The following EML4 variants were observed in gnomAD, a reference collection of about 807,000 sequenced individuals.
The protein encoded by EML4 is echinoderm microtubule-associated protein-like 4.
In EML4, 72 loss-of-function variants were observed where a neutral mutation model predicts 129.0. The ratio of observed to expected loss-of-function variants is 0.56; its 90% CI spans 0.46 to 0.68. The LOEUF is 0.68. Among genes scored for constraint, EML4 ranks in the 30% least tolerant of loss-of-function variants. The pLI, the probability that EML4 is intolerant of heterozygous loss-of-function variation, is 0.00. For missense variants in EML4, 1,363 were observed against 1,190.6 expected (o/e 1.14, Z -2.13); for synonymous variants, 532 against 405.0 (o/e 1.31, Z -3.77).
At chr2:42,263,396 ATCTTT>A in intron 5 of EML4, 90 bp downstream of exon 5, 21 of 449,328 alleles carry the variant, frequency 4.7e-5, no homozygotes, top group East Asian at 8.4e-5. Flanking sequence ...TCTGGTTTGA[ATCTTT>A]TTTTTTTTTT....
chr2:42,329,930 A>G lies in EML4; in HGVS notation c.2669A>G (p.Glu890Gly), dbSNP rs369646735. Residue 890 changes from glutamate to glycine, a missense_variant, in exon 23 of 23, where the codon GAA becomes GGA. Transcript: ENST00000318522. ...TLTKAPVSST[E>G]SVIQSNTPTP... ...ACCAAAGCCCCCGTCTCTTCCACTG[A>G]AAGTGTCATCCAATCTAATACTCCC... is the stretch of plus-strand genomic sequence containing the variant. 1.2e-6 allele frequency: 2 copies of G among 1,613,914 alleles called. No homozygotes were observed. Among genetic ancestry groups the G allele is most frequent in the Non-Finnish European group, 1.7e-6 (2 of 1,180,010 alleles).
intron 17 of EML4, among the ~76,000 whole-genome samples, chr2:42,306,798 C>T (rs983074449): frequency 1.3e-5 from 2 of 151,770 alleles, no homozygotes; most frequent in Admixed American, 1.3e-4. Flanking sequence ...CGCACCTGGC[C>T]GCTAAATTCT....
intron 1 of EML4, among the ~76,000 whole-genome samples, chr2:42,201,478 A>G (rs1454822681): frequency 6.6e-6 from 1 of 152,236 alleles, no homozygotes; most frequent in African/African-American, 2.4e-5. Flanking sequence ...GCTTTCTGTG[A>G]TGAAGCAGTC....
At chr2:42,264,077 T>A (rs992395054) in intron 5 of EML4, among the ~76,000 whole-genome samples, 1 of 150,520 alleles carries the variant, frequency 6.6e-6, no homozygotes, top group African/African-American at 2.4e-5. Flanking sequence ...ATCTACCTTT[T>A]AAGGCTCCCA....
At chr2:42,264,663 A>G in intron 5 of EML4, 43 bp from the exon 6 acceptor site, 1 of 1,156,664 alleles carries the variant, frequency 8.6e-7, no homozygotes, top group Non-Finnish European at 1.3e-6. Context: ...GGTTAGCCAT[A>G]TAAACTTATA....
chr2:42,223,286 G>C (rs570097249), intron 1 of EML4, among the ~76,000 whole-genome samples: 1 of 152,180 alleles, frequency 6.6e-6, no homozygotes, highest in East Asian at 1.9e-4. Flanking sequence ...TTACTGTTCA[G>C]AACTGAGATT....
chr2:42,194,185 G>A (rs72796515), intron 1 of EML4, among the ~76,000 whole-genome samples: 1,805 of 151,320 alleles, frequency 0.012, 15 homozygotes, highest in Non-Finnish European at 0.02. Flanking sequence ...TTTGAAATGG[G>A]ATATCCTGTG....
At chr2:42,300,669 G>A (rs1668233051) in intron 13 of EML4, among the ~76,000 whole-genome samples, 1 of 152,146 alleles carries the variant, frequency 6.6e-6, no homozygotes, top group Non-Finnish European at 1.5e-5. Context: ...AGTAATCCTT[G>A]GCACAGCAGA....
chr2:42,324,834 G>A (rs1669702177), intron 19 of EML4, among the ~76,000 whole-genome samples: 1 of 152,206 alleles, frequency 6.6e-6, no homozygotes, highest in Non-Finnish European at 1.5e-5. Flanking sequence ...AATTCCCACA[G>A]TGTGAAAACC....
chr2:42,281,929 C>G (rs1370152569), intron 7 of EML4, among the ~76,000 whole-genome samples: 1 of 152,180 alleles, frequency 6.6e-6, no homozygotes, highest in African/African-American at 2.4e-5. Flanking sequence ...CAGATATCAG[C>G]TTGGACACAC....
chr2:42,198,876 G>A (rs1672050376), intron 1 of EML4, among the ~76,000 whole-genome samples: 1 of 152,230 alleles, frequency 6.6e-6, no homozygotes, highest in African/African-American at 2.4e-5. Context: ...AGCAGCCATT[G>A]TGTAGAAACA....
chr2:42,211,594 T>C (rs754035359), intron 1 of EML4, among the ~76,000 whole-genome samples: 5 of 152,234 alleles, frequency 3.3e-5, no homozygotes, highest in African/African-American at 4.8e-5. Context: ...AGGACTTGGA[T>C]GTTTTAAACC....
At chr2:42,173,116 G>C (rs1326173160) in intron 1 of EML4, among the ~76,000 whole-genome samples, 1 of 152,176 alleles carries the variant, frequency 6.6e-6, no homozygotes, top group African/African-American at 2.4e-5. Context: ...AAGTATAGCA[G>C]TATGCTTCAA....
chr2:42,307,207 A>G, intron 17 of EML4, among the ~76,000 whole-genome samples: 1 of 152,082 alleles, frequency 6.6e-6, no homozygotes, highest in African/African-American at 2.4e-5. Flanking sequence ...GTTCTGAAAA[A>G]CTCACTGAAA....
intron 11 of EML4, among the ~76,000 whole-genome samples, chr2:42,294,534 G>C (rs1307148834): frequency 6.6e-6 from 1 of 151,978 alleles, no homozygotes; most frequent in African/African-American, 2.4e-5. Flanking sequence ...TGTCTCTATT[G>C]AAAATACAAA....
chr2:42,250,064 T>A (rs2104325298), intron 2 of EML4, among the ~76,000 whole-genome samples: 1 of 152,312 alleles, frequency 6.6e-6, no homozygotes, highest in Admixed American at 6.5e-5. Context: ...ACCAAATGAA[T>A]GTAATTTGAG....
chr2:42,227,192 C>G (rs538544462), intron 1 of EML4, among the ~76,000 whole-genome samples: 1 of 152,276 alleles, frequency 6.6e-6, no homozygotes, highest in Non-Finnish European at 1.5e-5. Flanking sequence ...TCACTGCAGC[C>G]TTGACCTCCC....
chr2:42,235,939 A>G (rs1674645652), intron 1 of EML4, among the ~76,000 whole-genome samples: 1 of 152,188 alleles, frequency 6.6e-6, no homozygotes, highest in African/African-American at 2.4e-5. Context: ...ACCAGTTATC[A>G]TATCCCCCAT....
intron 9 of EML4, 186 bp from the exon 10 acceptor site, chr2:42,286,083 A>C: frequency 1.6e-6 from 1 of 627,986 alleles, no homozygotes; most frequent in African/African-American, 1.8e-5. Context: ...ATTTGCTGCT[A>C]TTTTCTTATT....
Sources: gnomAD v4.1 joint callset for allele counts (sites outside exome capture counted in the v4.1 genomes callset) on GRCh38, gnomAD v4.1.1 for gene constraint, MANE v1.5 for transcripts, NCBI Gene and HGNC (gene_info 2026-07-23, HGNC 2026-07-21) for gene names.